The following MLF1 variants were observed in gnomAD, a reference collection of about 807,000 sequenced individuals.
The protein encoded by MLF1 is myelodysplasia-myeloid leukemia factor 1.
MLF1 carries 37 observed loss-of-function variants against 38.3 expected under a neutral mutation model. The ratio of observed to expected loss-of-function variants is 0.96; its 90% CI spans 0.74 to 1.27. The LOEUF (loss-of-function observed/expected upper bound fraction) is 1.27, where lower values mean the gene tolerates loss of function less well. MLF1 is among the 50% of genes most tolerant of loss of function. The pLI is 0.00. For missense variants in MLF1, 331 were observed against 349.2 expected, an observed-to-expected ratio of 0.95 and a Z score of 0.42; for synonymous variants, 95 against 106.5, an observed-to-expected ratio of 0.89 and a Z score of 0.66.
intron 1 of MLF1, among the ~76,000 whole-genome samples, chr3:158,585,696 C>T (rs2108591386): frequency 6.6e-6 from 1 of 152,218 alleles, no homozygotes; most frequent in South Asian, 2.1e-4. Context: ...CAAGGAATTT[C>T]TTCCAACATT....
intron 7 of MLF1, 72 bp from the exon 8 acceptor site, chr3:158,605,025 C>T: frequency 3.7e-6 from 4 of 1,086,394 alleles, no homozygotes; most frequent in Non-Finnish European, 4.0e-6. Context: ...TGGTTTTTAA[C>T]ATGTTTGTAT....
At chr3:158,585,685 T>G (rs571311051) in intron 1 of MLF1, among the ~76,000 whole-genome samples, 19 of 152,102 alleles carry the variant, frequency 1.2e-4, no homozygotes, top group African/African-American at 4.3e-4. Flanking sequence ...GGAAATTGAG[T>G]CAAGGAATTT....
At chr3:158,597,195 A>G (rs757051726) in intron 4 of MLF1, among the ~76,000 whole-genome samples, 5 of 152,080 alleles carry the variant, frequency 3.3e-5, no homozygotes, top group African/African-American at 4.8e-5. Flanking sequence ...CCTGGTTACA[A>G]CCCACTAAAT....
Position 158,594,496 on chromosome 3 carries a change from AAAGCAGAGG to A in MLF1, c.240+1077_240+1085del, listed in dbSNP as rs1182001789. Among the ~76,000 whole-genome samples the A allele has an allele frequency of 1.2e-4, 18 of 152,190 alleles. 1 individual carries two copies. Among genetic ancestry groups the A allele is most frequent in the Admixed American group, 1.2e-3 (18 of 15,272 alleles). On this transcript the variant is annotated intron_variant, in intron 3 of 7. Transcript: ENST00000466246. ...TAGAAGGAGAGTAAACATCATCTTA[AAAGCAGAGG>A]AAGCAGTGATGACTTACGTCAAAGT...
intron 1 of MLF1, among the ~76,000 whole-genome samples, chr3:158,580,867 A>G (rs1390284206): frequency 6.6e-6 from 1 of 152,040 alleles, no homozygotes; most frequent in African/African-American, 2.4e-5. Context: ...GGGAGGATCA[A>G]TTGAGCTTAG....
At chr3:158,592,713 AG>A (rs1024959091) in intron 2 of MLF1, 132 bp downstream of exon 2, 17 of 728,726 alleles carry the variant, frequency 2.3e-5, no homozygotes, top group African/African-American at 2.0e-4. Flanking sequence ...ATTATATAAA[AG>A]GGGGGACCTT....
chr3:158,592,440 C>T lies in MLF1; in HGVS notation c.54C>T (p.Ser18=). The part of the protein sequence containing the change: ...SFEDDPFFSE[S]ILAHRENMRQ... The stretch of plus-strand genomic sequence containing the variant: ...TTATGTATATTTTCAACAGTGAGTC[C>T]ATTCTTGCACACCGAGAAAATATGC... The change falls in exon 2 of 8, where the codon TCC becomes TCT. Residue 18 remains serine (S), a synonymous_variant. Coordinates refer to ENST00000466246, the MANE Select transcript of MLF1 (RefSeq NM_001369783.1). 1 of 1,602,654 alleles carries T rather than the reference C, an allele frequency of 6.2e-7. No individual in the cohort carries two copies. The highest frequency in any genetic ancestry group is 1.7e-4 in the Middle Eastern group (1 of 5,958).
chr3:158,576,514 A>G (rs772239716), intron 1 of MLF1, among the ~76,000 whole-genome samples: 1 of 152,086 alleles, frequency 6.6e-6, no homozygotes, highest in Non-Finnish European at 1.5e-5. Flanking sequence ...ACGACCCAGA[A>G]TTTTCTATTT....
At chr3:158,587,331 A>G (rs1365113496) in intron 1 of MLF1, among the ~76,000 whole-genome samples, 1 of 152,160 alleles carries the variant, frequency 6.6e-6, no homozygotes, top group East Asian at 1.9e-4. Flanking sequence ...TTCATTTTTA[A>G]AAGGTGTTTG....
chr3:158,585,037 GAAAAAAA>G (rs59014137), intron 1 of MLF1, among the ~76,000 whole-genome samples: 6 of 88,866 alleles, frequency 6.8e-5, no homozygotes, highest in Admixed American at 1.3e-4. Context: ...GACTCTGTCT[GAAAAAAA>G]AAAAAAAAAA....
intron 1 of MLF1, among the ~76,000 whole-genome samples, chr3:158,590,204 G>A (rs1348034942): frequency 2.0e-5 from 3 of 152,150 alleles, no homozygotes; most frequent in Non-Finnish European, 4.4e-5. Context: ...AAAAATGGGG[G>A]AAGTATTTGA....
chr3:158,595,372 C>G (rs1718740318), intron 3 of MLF1, among the ~76,000 whole-genome samples: 1 of 152,144 alleles, frequency 6.6e-6, no homozygotes, highest in Admixed American at 6.5e-5. Context: ...TGTACCCCAA[C>G]TTTTTGTCAC....
chr3:158,583,801 C>T (rs1475032603), intron 1 of MLF1, among the ~76,000 whole-genome samples: 2 of 152,038 alleles, frequency 1.3e-5, no homozygotes, highest in African/African-American at 4.8e-5. Context: ...GCTATGCTAA[C>T]CAAACAGAAG....
intron 1 of MLF1, 108 bp downstream of exon 1, chr3:158,571,455 T>G: frequency 7.2e-7 from 1 of 1,393,124 alleles, no homozygotes; most frequent in Middle Eastern, 1.8e-4. Context: ...GAATTCGGAG[T>G]AACTCTGGAG....
At chr3:158,583,345 C>T (rs1163720448) in intron 1 of MLF1, among the ~76,000 whole-genome samples, 1 of 151,996 alleles carries the variant, frequency 6.6e-6, no homozygotes, top group Non-Finnish European at 1.5e-5. Flanking sequence ...GAGAAGAGGC[C>T]TCAAGAGAAA....
chr3:158,587,367 G>A (rs573281255), intron 1 of MLF1, among the ~76,000 whole-genome samples: 42 of 152,174 alleles, frequency 2.8e-4, no homozygotes, highest in Non-Finnish European at 5.0e-4. Context: ...TACGAGAAGG[G>A]ACAGAGACCA....
intron 7 of MLF1, 108 bp downstream of exon 7, chr3:158,603,047 C>A (rs936679572): frequency 1.1e-6 from 1 of 896,594 alleles, no homozygotes; most frequent in Non-Finnish European, 1.6e-6. Flanking sequence ...AAATTGTATC[C>A]ACAGTATCTT....
chr3:158,595,918 A>G (rs547075891), intron 3 of MLF1, among the ~76,000 whole-genome samples: 7 of 152,078 alleles, frequency 4.6e-5, no homozygotes, highest in Non-Finnish European at 8.8e-5. Context: ...CCTGACTTTT[A>G]TTTTCTGGTG....
intron 1 of MLF1, among the ~76,000 whole-genome samples, chr3:158,576,944 T>C (rs1715546992): frequency 6.6e-6 from 1 of 152,142 alleles, no homozygotes; most frequent in Non-Finnish European, 1.5e-5. Context: ...AGTGCTGGGA[T>C]ACAGGCATGA....
Sources: gnomAD v4.1 joint callset for allele counts (sites outside exome capture counted in the v4.1 genomes callset) on GRCh38, gnomAD v4.1.1 for gene constraint, MANE v1.5 for transcripts, NCBI Gene and HGNC (gene_info 2026-07-23, HGNC 2026-07-21) for gene names.